The following ZMYM2 variants were observed in gnomAD, a reference collection of about 807,000 sequenced individuals.
ZMYM2 encodes the protein zinc finger MYM-type containing 2, also known as zinc finger MYM-type protein 2.
A neutral mutation model predicts 162.8 loss-of-function variants in ZMYM2; 56 were observed. The observed-to-expected ratio is 0.34, with a 90% CI of 0.28 to 0.43. ZMYM2 has a LOEUF of 0.43. Among genes scored for constraint, ZMYM2 ranks in the 20% least tolerant of loss-of-function variants. The pLI is 1.00. For missense variants in ZMYM2, 1,275 were observed against 1,621.8 expected (o/e 0.79, Z 3.67); for synonymous variants, 510 against 541.6 (o/e 0.94, Z 0.81).
Position 20,006,363 on chromosome 13 carries a change from T to G in ZMYM2, c.1300-11T>G, listed in dbSNP as rs1245925947. Reference sequence around the variant, plus strand: ...ATCTGTTTTGTAAGATTTTGTTTATTTTTCTTTTAGATTCGCCATGAAGTC... The same window carrying G: ...ATCTGTTTTGTAAGATTTTGTTTATGTTTCTTTTAGATTCGCCATGAAGTC... On this transcript the variant is annotated splice_polypyrimidine_tract_variant and intron_variant, in intron 5 of 24. Coordinates refer to ENST00000610343, the MANE Select transcript of ZMYM2 (RefSeq NM_197968.4). The G allele has an allele frequency of 5.8e-6, 9 of 1,556,888 alleles. No homozygotes were observed. The highest frequency in any genetic ancestry group is 7.0e-6 in the Non-Finnish European group (8 of 1,149,244).
At chr13:20,085,190 G>C (rs1958178553) in intron 24 of ZMYM2, among the ~76,000 whole-genome samples, 2 of 152,122 alleles carry the variant, frequency 1.3e-5, no homozygotes, top group South Asian at 4.1e-4. Context: ...CATGAGGTCA[G>C]GTGTGGAACT....
intron 2 of ZMYM2, among the ~76,000 whole-genome samples, chr13:19,967,570 TAAAA>T (rs900270388): frequency 1.3e-5 from 2 of 152,126 alleles, no homozygotes; most frequent in African/African-American, 4.8e-5. Flanking sequence ...ATCTTTCACT[TAAAA>T]TAAGTAAATT....
intron 10 of ZMYM2, among the ~76,000 whole-genome samples, chr13:20,032,105 A>G (rs1372965708): frequency 6.6e-6 from 1 of 152,026 alleles, no homozygotes; most frequent in Non-Finnish European, 1.5e-5. Context: ...TCCAGACCTC[A>G]ACTGATCCGC....
At chr13:19,943,213 G>A in the ZMYM2 span, among the ~76,000 whole-genome samples, 7 of 152,114 alleles carry the variant, frequency 4.6e-5, no homozygotes, top group African/African-American at 1.7e-4. Context: ...CCCTCTGTAT[G>A]TGTCTTGCCT....
the ZMYM2 span, among the ~76,000 whole-genome samples, chr13:19,911,791 G>A: frequency 6.6e-6 from 1 of 152,216 alleles, no homozygotes; most frequent in Admixed American, 6.5e-5. Context: ...TCCCTGACCT[G>A]CGGAGTTAGG....
rs1228170666 is a variant in ZMYM2 at position 20,058,642 on chromosome 13, C to T, written c.2561C>T (p.Pro854Leu). The change falls in exon 15 of 25, where the codon CCT (proline) becomes CTT (leucine). Residue 854 changes from proline to leucine, a missense_variant. Pro to Leu is a moderately conservative substitution (Grantham distance 98, BLOSUM62 -3). Transcript: ENST00000610343. Reference sequence around the variant, plus strand: ...AAGAACAAAGCAGTTCTTTGCAAACCTTTAACAATGACAAAAGCTACTTAC... The same window carrying T: ...AAGAACAAAGCAGTTCTTTGCAAACTTTTAACAATGACAAAAGCTACTTAC... ...EMKNKAVLCK[P>L]LTMTKATYCK... 6.2e-7 allele frequency: 1 copy of T among 1,613,796 alleles called. No individual in the cohort carries two copies. Among genetic ancestry groups the T allele is most frequent in the African/African-American group, 1.3e-5 (1 of 75,042 alleles).
intron 12 of ZMYM2, 82 bp downstream of exon 12, chr13:20,036,991 T>A: frequency 7.5e-7 from 1 of 1,329,310 alleles, no homozygotes; most frequent in Non-Finnish European, 1.0e-6. Flanking sequence ...ATCTGGCAAC[T>A]CATTTATTTT....
chr13:19,910,618 C>T, the ZMYM2 span, among the ~76,000 whole-genome samples: 5 of 151,572 alleles, frequency 3.3e-5, no homozygotes, highest in African/African-American at 7.3e-5. Flanking sequence ...TTCCTCCTCC[C>T]GGGCGTGAAC....
At chr13:19,885,638 G>A in the ZMYM2 span, among the ~76,000 whole-genome samples, 2 of 151,884 alleles carry the variant, frequency 1.3e-5, no homozygotes, top group African/African-American at 2.4e-5. Flanking sequence ...TCAGGAGTTC[G>A]AAAGAGTCCT....
At chr13:19,883,003 A>G in the ZMYM2 span, among the ~76,000 whole-genome samples, 1 of 152,236 alleles carries the variant, frequency 6.6e-6, no homozygotes, top group African/African-American at 2.4e-5. Context: ...AACAACCTGC[A>G]TATCCATTAA....
At chr13:20,056,853 G>A (rs939821398) in intron 14 of ZMYM2, among the ~76,000 whole-genome samples, 2 of 152,088 alleles carry the variant, frequency 1.3e-5, no homozygotes, top group African/African-American at 4.8e-5. Context: ...AATTTTAAGC[G>A]CTACTGAGAA....
chr13:20,002,758 A>G, intron 3 of ZMYM2, 92 bp from the exon 4 acceptor site: 1 of 1,469,786 alleles, frequency 6.8e-7, no homozygotes, highest in Non-Finnish European at 9.2e-7. Flanking sequence ...AAATTGTACA[A>G]AATGGGAAGT....
At chr13:20,006,245 AAAAT>A in intron 5 of ZMYM2, 125 bp from the exon 6 acceptor site, 2 of 879,870 alleles carry the variant, frequency 2.3e-6, no homozygotes, top group East Asian at 3.1e-5. Context: ...AAAAAAAAAA[AAAAT>A]TTTTTTTTTC....
At position 20,036,895 on chromosome 13, in the gene ZMYM2, G is replaced by T. The variant is rs1452688754; in HGVS notation, c.2278G>T (p.Asp760Tyr). The T allele has an allele frequency of 1.2e-6, 2 of 1,609,074 alleles. No individual in the cohort carries two copies. The part of the protein sequence containing the change: ...CSEDCCKKFQ[D>Y]WYYKAARCDC... Reference sequence around the variant, plus strand: ...TGAAGATTGCTGTAAAAAATTTCAGGATTGGTACTACAAGGCGAGTAACTC... The same window carrying T: ...TGAAGATTGCTGTAAAAAATTTCAGTATTGGTACTACAAGGCGAGTAACTC... Residue 760 changes from aspartate (D) to tyrosine (Y), a missense_variant, in exon 12 of 25, where the codon GAT becomes TAT. Asp to Tyr is a radical substitution (Grantham distance 160). Around this residue, in one of 10 missense-constraint regions of ZMYM2, gnomAD observed 177 missense variants for 228.0 expected, o/e 0.78. Coordinates refer to ENST00000610343, the MANE Select transcript of ZMYM2 (RefSeq NM_197968.4).
At chr13:19,870,366 G>C in the ZMYM2 span, among the ~76,000 whole-genome samples, 2,730 of 151,656 alleles carry the variant, frequency 0.018, 83 homozygotes, top group African/African-American at 0.063. Context: ...TCAAACTCCT[G>C]AGCTCAAGCA....
the ZMYM2 span, among the ~76,000 whole-genome samples, chr13:19,910,900 CCA>C: frequency 6.6e-6 from 1 of 152,076 alleles, no homozygotes; most frequent in Admixed American, 6.6e-5. Context: ...GGCAAGTTAA[CCA>C]CAGTGTTCTA....
chr13:20,012,566 A>G (rs943468742), intron 6 of ZMYM2, among the ~76,000 whole-genome samples: 2 of 152,196 alleles, frequency 1.3e-5, no homozygotes, highest in African/African-American at 4.8e-5. Flanking sequence ...ATGCCAGGTC[A>G]TGGTTTTCCT....
rs1171488477 is a variant in ZMYM2 at position 19,993,836 on chromosome 13, G to A, written c.764G>A (p.Gly255Glu). The change falls in exon 3 of 25, where the codon GGA becomes GAA. Residue 255 changes from glycine to glutamate, a missense_variant. Gly to Glu is a moderately conservative substitution (Grantham distance 98). Coordinates refer to ENST00000610343, the MANE Select transcript of ZMYM2 (RefSeq NM_197968.4). ...TPSLTSQTKT[G>E]VGPFNPGRMN... ...TCTTTAACTTCACAGACCAAGACTG[G>A]AGTAGGACCTTTTAATCCTGGTAGA... The A allele has an allele frequency of 1.2e-6, 2 of 1,614,108 alleles. No homozygotes were observed. The highest frequency in any genetic ancestry group is 1.7e-6 in the Non-Finnish European group (2 of 1,180,012).
intron 14 of ZMYM2, among the ~76,000 whole-genome samples, chr13:20,057,964 G>A (rs887839244): frequency 1.3e-5 from 2 of 152,042 alleles, no homozygotes; most frequent in African/African-American, 4.8e-5. Flanking sequence ...ATTTATGTGG[G>A]GTTTTGTCTT....
Sources: gnomAD v4.1 joint callset for allele counts (sites outside exome capture counted in the v4.1 genomes callset) on GRCh38, gnomAD v4.1.1 for gene constraint, gnomAD v4.1.1 regional missense constraint, MANE v1.5 for transcripts, NCBI Gene and HGNC (gene_info 2026-07-23, HGNC 2026-07-21) for gene names.